The following PAX8 variants were observed in gnomAD, a reference collection of about 807,000 sequenced individuals.
PAX8 encodes the protein paired box 8.
A neutral mutation model predicts 52.4 loss-of-function variants in PAX8; 15 were observed. That is an observed-to-expected ratio of 0.29 (90% CI 0.19 to 0.44). The LOEUF (loss-of-function observed/expected upper bound fraction) is 0.44, where lower values mean the gene tolerates loss of function less well. PAX8 is among the 20% of genes least tolerant of loss of function. The pLI is 1.00. For synonymous variants in PAX8, 284 were observed against 249.7 expected (o/e 1.14, Z -1.29); for missense variants, 554 against 602.5 (o/e 0.92, Z 0.84).
intron 8 of PAX8, 140 bp from the exon 9 acceptor site, chr2:113,235,722 A>G: frequency 1.6e-6 from 1 of 643,106 alleles, no homozygotes; most frequent in South Asian, 2.0e-5. Context: ...TGGGCTGGGG[A>G]GAGCCGGGGC....
chr2:113,251,383 G>A (rs902748049), intron 2 of PAX8, among the ~76,000 whole-genome samples: 1 of 152,036 alleles, frequency 6.6e-6, no homozygotes, highest in Non-Finnish European at 1.5e-5. Flanking sequence ...TGGGGTGAGG[G>A]GGGAAGGTGT....
intron 7 of PAX8, chr2:113,238,116 C>G (rs1432296638): frequency 6.8e-6 from 1 of 146,056 alleles, no homozygotes; most frequent in African/African-American, 2.6e-5. Context: ...GTTGCCCAAG[C>G]TGGAGTGCAA....
At chr2:113,223,445 G>A (rs6707386) in intron 10 of PAX8, among the ~76,000 whole-genome samples, 53,507 of 152,042 alleles carry the variant, frequency 0.35, 9,545 homozygotes, top group South Asian at 0.44. Context: ...TGGTCTTTGT[G>A]CTTTCTCTCT....
At chr2:113,260,563 G>T (rs1692591686) in intron 2 of PAX8, among the ~76,000 whole-genome samples, 1 of 152,126 alleles carries the variant, frequency 6.6e-6, no homozygotes, top group Non-Finnish European at 1.5e-5. Flanking sequence ...TGAGAGTAGG[G>T]GTAGGTAGGG....
intron 7 of PAX8, chr2:113,238,459 C>T (rs1264013714): frequency 6.6e-6 from 1 of 152,540 alleles, no homozygotes; most frequent in East Asian, 1.9e-4. Flanking sequence ...GTTGTTTTGA[C>T]AGCAAAATAT....
At chr2:113,253,515 C>T (rs1171220944) in intron 2 of PAX8, among the ~76,000 whole-genome samples, 2 of 152,248 alleles carry the variant, frequency 1.3e-5, no homozygotes, top group Non-Finnish European at 2.9e-5. Flanking sequence ...ACACTCTCTG[C>T]ACCGCACTGT....
intron 7 of PAX8, chr2:113,238,658 G>A (rs900459486): frequency 6.6e-6 from 1 of 152,154 alleles, no homozygotes; most frequent in African/African-American, 2.4e-5. Context: ...GAACTTCAGC[G>A]ACTCTGAGCC....
intron 1 of PAX8, 140 bp from the exon 2 acceptor site, chr2:113,278,609 T>G (rs1446591437): frequency 6.2e-6 from 5 of 800,752 alleles, no homozygotes; most frequent in Non-Finnish European, 9.8e-6. Flanking sequence ...AGGGCCAACC[T>G]CAGCCTAGCC....
intron 2 of PAX8, among the ~76,000 whole-genome samples, chr2:113,249,642 T>G (rs1373703775): frequency 6.6e-6 from 1 of 152,138 alleles, no homozygotes; most frequent in Non-Finnish European, 1.5e-5. Context: ...TTAATTATTA[T>G]GAAGGACTGA....
At chr2:113,278,527 A>G in intron 1 of PAX8, 58 bp from the exon 2 acceptor site, 1 of 1,378,824 alleles carries the variant, frequency 7.3e-7, no homozygotes, top group Non-Finnish European at 1.0e-6. Flanking sequence ...CTGCATCCTC[A>G]GGCCCCCTCC....
At chr2:113,266,698 C>T (rs1043990583) in intron 2 of PAX8, 7 of 152,186 alleles carry the variant, frequency 4.6e-5, no homozygotes, top group African/African-American at 1.4e-4. Context: ...ACAGTGAGCT[C>T]AACTTCTTGA....
intron 9 of PAX8, among the ~76,000 whole-genome samples, chr2:113,228,292 C>T (rs2104435441): frequency 6.6e-6 from 1 of 152,304 alleles, no homozygotes; most frequent in Non-Finnish European, 1.5e-5. Context: ...CCCTGGTTTG[C>T]CAAGGTGTAC....
At chr2:113,247,582 A>C (rs1691435344) in intron 2 of PAX8, among the ~76,000 whole-genome samples, 1 of 152,156 alleles carries the variant, frequency 6.6e-6, no homozygotes, top group Non-Finnish European at 1.5e-5. Flanking sequence ...CATAGATAGC[A>C]CTGGGTTCCA....
At chr2:113,226,699 C>T (rs1689599589) in intron 10 of PAX8, 1 of 1,124,742 alleles carries the variant, frequency 8.9e-7, no homozygotes, top group Non-Finnish European at 1.1e-6. Context: ...CATCAATACC[C>T]TTCAGATTCA....
intron 7 of PAX8, chr2:113,239,147 A>C (rs541005511): frequency 6.6e-5 from 10 of 150,722 alleles, no homozygotes; most frequent in Admixed American, 6.6e-4. Context: ...GGGTCACTGC[A>C]ACCTCCGCCC....
intron 10 of PAX8, among the ~76,000 whole-genome samples, chr2:113,220,906 T>G (rs915565613): frequency 6.6e-6 from 1 of 152,248 alleles, no homozygotes; most frequent in Non-Finnish European, 1.5e-5. Flanking sequence ...CCTCCTTCTG[T>G]TAATGGATTC....
chr2:113,223,110 C>A (rs554152192), intron 10 of PAX8, among the ~76,000 whole-genome samples: 5 of 152,210 alleles, frequency 3.3e-5, no homozygotes, highest in African/African-American at 1.2e-4. Context: ...CATGATGTAC[C>A]TGCTGACTTA....
chr2:113,235,250 C>A (rs1690180035), intron 9 of PAX8, 144 bp downstream of exon 9: 2 of 667,236 alleles, frequency 3.0e-6, no homozygotes, highest in Non-Finnish European at 5.0e-6. Flanking sequence ...TTCATGTTGG[C>A]GCCTCCAAAA....
intron 11 of PAX8, 145 bp downstream of exon 11, chr2:113,219,947 T>C: frequency 1.6e-6 from 1 of 621,506 alleles, no homozygotes; most frequent in South Asian, 1.9e-5. Context: ...TCCTGCTGCC[T>C]TCTTCCATCA....
Sources: allele counts gnomAD v4.1 joint callset (sites outside exome capture counted in the v4.1 genomes callset), GRCh38; gene constraint gnomAD v4.1.1; transcripts MANE v1.5; gene names NCBI Gene and HGNC (gene_info 2026-07-23, HGNC 2026-07-21).